Variants in NLGN1 observed in about 807,000 individuals in gnomAD.
The protein encoded by NLGN1 is neuroligin-1.
Under a neutral mutation model 65.5 loss-of-function variants are expected in NLGN1, and 12 were observed. The ratio of observed to expected loss-of-function variants is 0.18; its 90% confidence interval spans 0.12 to 0.30. The LOEUF (loss-of-function observed/expected upper bound fraction) is 0.30, where lower values mean the gene tolerates loss of function less well. NLGN1 is among the 10% of genes least tolerant of loss of function. NLGN1 has a pLI of 1.00. For synonymous variants in NLGN1, 350 were observed against 359.5 expected, an observed-to-expected ratio of 0.97 and a Z score of 0.30; for missense variants, 750 against 1,007.1, an observed-to-expected ratio of 0.74 and a Z score of 3.46.
intron 4 of NLGN1, among the ~76,000 whole-genome samples, chr3:173,902,680 TAGAG>T (rs1181989007): frequency 1.3e-5 from 2 of 152,068 alleles, no homozygotes; most frequent in Non-Finnish European, 2.9e-5. Flanking sequence ...TTTTATTACT[TAGAG>T]AGAATCATAG....
At chr3:173,983,625 A>G (rs1471680860) in intron 4 of NLGN1, among the ~76,000 whole-genome samples, 6 of 151,768 alleles carry the variant, frequency 4.0e-5, no homozygotes, top group African/African-American at 1.5e-4. Context: ...GTAGTCTCTG[A>G]CTCGTGCCCA....
intron 4 of NLGN1, among the ~76,000 whole-genome samples, chr3:174,162,190 T>G (rs1726680158): frequency 1.3e-5 from 2 of 151,988 alleles, no homozygotes; most frequent in African/African-American, 4.8e-5. Context: ...AATGTAGTTA[T>G]ATCATACCTT....
chr3:174,138,432 TC>T (rs1253541272), intron 4 of NLGN1, among the ~76,000 whole-genome samples: 10 of 141,998 alleles, frequency 7.0e-5, no homozygotes, highest in Admixed American at 1.4e-4. Context: ...TTTCTACTAT[TC>T]TTTTTTTTTT....
intron 2 of NLGN1, among the ~76,000 whole-genome samples, chr3:173,591,915 A>G (rs778374159): frequency 6.6e-6 from 1 of 152,192 alleles, no homozygotes; most frequent in Non-Finnish European, 1.5e-5. Context: ...AGACAAAATC[A>G]TCAACTTAAT....
At chr3:173,805,650 A>C (rs776138994) in intron 3 of NLGN1, among the ~76,000 whole-genome samples, 1 of 152,186 alleles carries the variant, frequency 6.6e-6, no homozygotes, top group African/African-American at 2.4e-5. Context: ...TTGTAATTCT[A>C]TGTAATTTTA....
At chr3:174,268,528 G>A (rs960921360) in intron 4 of NLGN1, among the ~76,000 whole-genome samples, 21 of 152,030 alleles carry the variant, frequency 1.4e-4, no homozygotes, top group African/African-American at 3.1e-4. Flanking sequence ...AGTAAATTAG[G>A]GCCCTTTTTT....
chr3:173,918,144 G>A (rs558600640), intron 4 of NLGN1, among the ~76,000 whole-genome samples: 1 of 152,042 alleles, frequency 6.6e-6, no homozygotes, highest in Non-Finnish European at 1.5e-5. Context: ...TAGAAGTAAT[G>A]CATTCGTTAC....
intron 2 of NLGN1, among the ~76,000 whole-genome samples, chr3:173,471,669 A>T (rs1725336460): frequency 1.3e-5 from 2 of 152,124 alleles, no homozygotes; most frequent in Admixed American, 1.3e-4. Context: ...AACTAATAAC[A>T]ATAGACTTTT....
At chr3:173,744,934 G>T (rs780561022) in intron 3 of NLGN1, among the ~76,000 whole-genome samples, 5 of 151,736 alleles carry the variant, frequency 3.3e-5, no homozygotes, top group African/African-American at 1.2e-4. Context: ...CTCTTTGTCC[G>T]CACTGTCAAC....
chr3:173,472,043 A>G (rs993980605), intron 2 of NLGN1, among the ~76,000 whole-genome samples: 8 of 152,168 alleles, frequency 5.3e-5, no homozygotes, highest in African/African-American at 1.9e-4. Flanking sequence ...AAATATTTAG[A>G]CAAACAGTAG....
chr3:173,610,345 A>G (rs971659462), intron 3 of NLGN1, among the ~76,000 whole-genome samples: 2 of 151,986 alleles, frequency 1.3e-5, no homozygotes, highest in African/African-American at 2.4e-5. Flanking sequence ...AGTTTTGGAC[A>G]TGTTTAATTT....
chr3:173,703,784 G>T (rs182955581), intron 3 of NLGN1, among the ~76,000 whole-genome samples: 1 of 152,330 alleles, frequency 6.6e-6, no homozygotes, highest in Non-Finnish European at 1.5e-5. Flanking sequence ...AACCACGCCA[G>T]AAATATGGGA....
At chr3:173,864,306 A>G (rs1241638306) in intron 4 of NLGN1, among the ~76,000 whole-genome samples, 1 of 152,170 alleles carries the variant, frequency 6.6e-6, no homozygotes, top group East Asian at 1.9e-4. Flanking sequence ...CATATTGGCA[A>G]TTTGCTTATA....
exon 7 of NLGN1, chr3:174,281,254 T>C: frequency 6.2e-7 from 1 of 1,612,874 alleles, no homozygotes. Flanking sequence ...AACAATACTC[T>C]GCCCCATCCC....
At chr3:173,713,148 G>A (rs1769273626) in intron 3 of NLGN1, among the ~76,000 whole-genome samples, 2 of 152,080 alleles carry the variant, frequency 1.3e-5, no homozygotes, top group Admixed American at 1.3e-4. Context: ...TTACTCAGAT[G>A]GAAGCTGAAA....
intron 3 of NLGN1, among the ~76,000 whole-genome samples, chr3:173,683,724 A>G (rs1310406614): frequency 6.6e-6 from 1 of 152,192 alleles, no homozygotes; most frequent in African/African-American, 2.4e-5. Flanking sequence ...ATACGATCAA[A>G]TAAGATAATG....
intron 4 of NLGN1, among the ~76,000 whole-genome samples, chr3:173,906,593 G>A (rs553967717): frequency 3.9e-5 from 6 of 152,108 alleles, no homozygotes; most frequent in South Asian, 2.1e-4. Flanking sequence ...CCTTTCCCAC[G>A]ATGGAGGCAA....
At chr3:174,137,422 C>G (rs1267690776) in intron 4 of NLGN1, among the ~76,000 whole-genome samples, 2 of 152,098 alleles carry the variant, frequency 1.3e-5, no homozygotes, top group Non-Finnish European at 2.9e-5. Context: ...AGGTTTTAAT[C>G]TAGACTCTAC....
intron 3 of NLGN1, among the ~76,000 whole-genome samples, chr3:173,718,423 C>A (rs1273061944): frequency 6.6e-6 from 1 of 152,176 alleles, no homozygotes; most frequent in African/African-American, 2.4e-5. Context: ...TGGCTTATTT[C>A]ACTTAACATA....
Sources: allele counts gnomAD v4.1 joint callset (sites outside exome capture counted in the v4.1 genomes callset), GRCh38; gene constraint gnomAD v4.1.1; transcripts MANE v1.5; gene names NCBI Gene and HGNC (gene_info 2026-07-23, HGNC 2026-07-21).